SNAI3: variants seen among roughly 807,000 people sequenced by gnomAD.
The protein encoded by SNAI3 is zinc finger protein SNAI3.
SNAI3 carries 21 observed loss-of-function variants against 16.4 expected under a neutral mutation model. The ratio of observed to expected loss-of-function variants is 1.28; its 90% confidence interval spans 0.91 to 1.85. The LOEUF (loss-of-function observed/expected upper bound fraction) is 1.85, where lower values mean the gene tolerates loss of function less well. Ranked by LOEUF, SNAI3 falls within the 40% of genes most tolerant of loss-of-function variation. The pLI is 0.00. For synonymous variants in SNAI3, 202 were observed against 166.6 expected (o/e 1.21, Z -1.64); for missense variants, 457 against 372.8 (o/e 1.23, Z -1.86).
At chr16:88,682,397 G>C (rs969522671) in intron 1 of SNAI3, among the ~76,000 whole-genome samples, 1 of 152,240 alleles carries the variant, frequency 6.6e-6, no homozygotes, top group African/African-American at 2.4e-5. Flanking sequence ...TCCCCAGGAC[G>C]GTGTTTCCTC....
In SNAI3 at chr16:88,681,057, G is replaced by A; in HGVS notation, c.697+37C>T. On this transcript the variant is annotated intron_variant, in intron 2 of 2. Transcript: ENST00000332281. This position sits in a 1 kb window ranked among gnomAD's most constrained non-coding sequence, Gnocchi z 5.4. ...TCCCGCAGCCCACCCTCTTCCCCCA[G>A]CCCAGACCGTCCTTGCAGACCTTCA... 6.3e-7 allele frequency: 1 copy of A among 1,584,918 alleles called. No homozygotes were observed. Among genetic ancestry groups the A allele is most frequent in the Non-Finnish European group, 8.6e-7 (1 of 1,158,846 alleles).
chr16:88,683,597 GC>G (rs1031479774), intron 1 of SNAI3, among the ~76,000 whole-genome samples: 1 of 104,350 alleles, frequency 9.6e-6, no homozygotes, highest in Non-Finnish European at 1.8e-5. Context: ...CACTCTTGTC[GC>G]CCAGGCTGGA....
rs139914312 is a variant in SNAI3, at chr16:88,679,132, A to C, written c.698-503T>G. ...CGTTTGTTCATTCCTGTAGCCCCATAGAGTCCTGAGAGACCTCAGCCTGCA... is the reference window on the plus strand; with the variant it reads ...CGTTTGTTCATTCCTGTAGCCCCATCGAGTCCTGAGAGACCTCAGCCTGCA... On this transcript the variant is annotated intron_variant, in intron 2 of 2. Coordinates refer to ENST00000332281, the MANE Select transcript of SNAI3 (RefSeq NM_178310.4). The C allele has an allele frequency of 6.6e-5, 65 of 980,168 alleles. 2 individuals carry two copies. In the Middle Eastern group the frequency reaches 3.1e-3, roughly 47 times the overall value. 60.7% of individuals were successfully genotyped at this position (980,168 alleles called of 1,614,324 possible). A position where few individuals can be genotyped will look rare whatever the true frequency, so the allele number is the denominator to read the frequency against.
At position 88,678,598 on chromosome 16, in the gene SNAI3, G is replaced by T. The variant is rs775190054; in HGVS notation, c.729C>A (p.Ser243Arg). 4.6e-6 allele frequency: 5 copies of T among 1,089,528 alleles called. No individual in the cohort carries two copies. Among genetic ancestry groups the T allele is most frequent in the Non-Finnish European group, 7.1e-6 (5 of 703,928 alleles). The allele number at this position is 1,089,528 out of a possible 1,614,324, so 67.5% of individuals were successfully genotyped here. A position where few individuals can be genotyped will look rare whatever the true frequency, so the allele number is the denominator to read the frequency against. ...GEKPYACSHC[S>R]RAFADRSNLR... ...GGTTGGAGCGGTCGGCAAAGGCCCT[G>T]CTGCAGTGCGAGCAGGCATAGGGCT... The change falls in exon 3 of 3, where the codon AGC (serine) becomes AGA (arginine). Residue 243 changes from serine to arginine, a missense_variant. Physicochemically the swap from Ser to Arg is moderately radical, Grantham distance 110. Transcript: ENST00000332281.
chr16:88,686,178 C>CCTGCAG (rs1394157956), intron 1 of SNAI3, 153 bp downstream of exon 1: 7 of 1,022,072 alleles, frequency 6.8e-6, no homozygotes, highest in Non-Finnish European at 8.2e-6. Flanking sequence ...CACCTCCCTC[C>CCTGCAG]CTGCAGCCGC....
intron 1 of SNAI3, among the ~76,000 whole-genome samples, chr16:88,684,052 C>T (rs1909273210): frequency 6.6e-6 from 1 of 152,186 alleles, no homozygotes; most frequent in Non-Finnish European, 1.5e-5. Flanking sequence ...AAAGGAACGC[C>T]TCCCATCTGC....
At chr16:88,686,122 T>A (rs1909350196) in intron 1 of SNAI3, 1 of 582,836 alleles carries the variant, frequency 1.7e-6, no homozygotes, top group African/African-American at 1.9e-5. Context: ...CCGCCCGCCC[T>A]GCCGGAGGCG....
In SNAI3 at chr16:88,682,762, ATTTTTT is replaced by A. The variant is rs71158747; in HGVS notation, c.77-1054_77-1049del. Reference sequence around the variant, plus strand: ...AATACAATTTTAATATGGGCAAGGGATTTTTTTTTTTTTTTTTTTTTTTTTTTTTTA... The same window carrying A: ...AATACAATTTTAATATGGGCAAGGGATTTTTTTTTTTTTTTTTTTTTTTTA... On this transcript the variant is annotated intron_variant, in intron 1 of 2. Transcript: ENST00000332281. Among the ~76,000 whole-genome samples, 153 of 60,694 alleles carry A rather than the reference ATTTTTT, an allele frequency of 2.5e-3. 1 individual carries two copies. The highest frequency in any genetic ancestry group is 0.021 in the Middle Eastern group (1 of 48). 39.8% of individuals were successfully genotyped at this position (60,694 alleles called of 152,430 possible). A position where few individuals can be genotyped will look rare whatever the true frequency, so the allele number is the denominator to read the frequency against.
In SNAI3 at chr16:88,678,171, T is replaced by G. The variant is rs1239708586; in HGVS notation, c.*277A>C. Reference sequence around the variant, plus strand: ...GGGTAGCCCCGGAGACCTGGCCGTGTCGAAATGGAACCATGGCTCTTGTTC... The same window carrying G: ...GGGTAGCCCCGGAGACCTGGCCGTGGCGAAATGGAACCATGGCTCTTGTTC... On this transcript the variant is annotated 3_prime_UTR_variant, in exon 3 of 3. Coordinates refer to ENST00000332281, the MANE Select transcript of SNAI3 (RefSeq NM_178310.4). The G allele has an allele frequency of 5.3e-6, 2 of 380,766 alleles. No homozygotes were observed. Among genetic ancestry groups the G allele is most frequent in the East Asian group, 8.8e-5 (2 of 22,686 alleles). 23.6% of individuals were successfully genotyped at this position (380,766 alleles called of 1,614,324 possible).
rs1909178231 is a variant in SNAI3, at chr16:88,681,669, A to G, written c.122T>C (p.Leu41Pro). 1.0e-5 allele frequency: 15 copies of G among 1,471,924 alleles called. No individual in the cohort carries two copies. Among genetic ancestry groups the G allele is most frequent in the Non-Finnish European group, 1.4e-5 (15 of 1,108,550 alleles). 91.2% of individuals were successfully genotyped at this position (1,471,924 alleles called of 1,614,324 possible). Residue 41 changes from leucine to proline, a missense_variant, in exon 2 of 3, where the codon CTC becomes CCC. Physicochemically the swap from Leu to Pro is moderately conservative, Grantham distance 98 (BLOSUM62 -3). Transcript: ENST00000332281. This position sits in a 1 kb window ranked among gnomAD's most constrained non-coding sequence, Gnocchi z 5.4. ...AGGGGCCTCCTTGTCTCGGGGGAGG[A>G]GGGGCACCACCAGCCCCCCACAGGC... ...CSACGGLVVPLLPRDKEAPSV... is the reference protein window; with the variant it reads ...CSACGGLVVPPLPRDKEAPSV...
intron 1 of SNAI3, among the ~76,000 whole-genome samples, chr16:88,683,651 A>G (rs182826204): frequency 5.0e-4 from 66 of 131,814 alleles, no homozygotes; most frequent in South Asian, 1.3e-3. Flanking sequence ...TCCGCCTCCC[A>G]GGTTCAAACA....
chr16:88,679,097 G>T (rs955784618), intron 2 of SNAI3: 1 of 985,256 alleles, frequency 1.0e-6, no homozygotes, highest in African/African-American at 1.7e-5. Flanking sequence ...AGGGAAGTGT[G>T]ACTGGGAATC....
chr16:88,680,550 G>T (rs1909131010), intron 2 of SNAI3, among the ~76,000 whole-genome samples: 1 of 152,058 alleles, frequency 6.6e-6, no homozygotes. Context: ...CTCCTAAAAT[G>T]CTGGGATTAT....
In SNAI3 at chr16:88,678,544, G is replaced by A. The variant is rs557121025; in HGVS notation, c.783C>T (p.Asp261=). Reference sequence around the variant, plus strand: ...AGCGCCGGCACCGGTACTTCTTGGCGTCTGAGTGCGTTTGCAGATGGGCCC... The same window carrying A: ...AGCGCCGGCACCGGTACTTCTTGGCATCTGAGTGCGTTTGCAGATGGGCCC... ...NLRAHLQTHS[D]AKKYRCRRCT... The change falls in exon 3 of 3, where the codon GAC becomes GAT. Residue 261 remains aspartate, a synonymous_variant. Coordinates refer to ENST00000332281, the MANE Select transcript of SNAI3 (RefSeq NM_178310.4). The A allele has an allele frequency of 1.2e-5, 10 of 807,808 alleles. No homozygotes were observed. The highest frequency in any genetic ancestry group is 3.3e-5 in the African/African-American group (2 of 59,788). The allele number at this position is 807,808 out of a possible 1,614,324, so 50.0% of individuals were successfully genotyped here.
rs980435686 is a variant in SNAI3 at position 88,678,917 on chromosome 16, C to T, written c.698-288G>A. 3 of 985,420 alleles carry T rather than the reference C, an allele frequency of 3.0e-6. No individual in the cohort carries two copies. In the South Asian group the frequency reaches 1.4e-4, roughly 46 times the overall value. 61.0% of individuals were successfully genotyped at this position (985,420 alleles called of 1,614,324 possible). A position where few individuals can be genotyped will look rare whatever the true frequency, so the allele number is the denominator to read the frequency against. ...GAGAAGCACTGGGGGCCTCTGGCAG[C>T]TGTTTCTGGCCACTCACAGGCAAGT... On this transcript the variant is annotated intron_variant, in intron 2 of 2. Coordinates refer to ENST00000332281, the MANE Select transcript of SNAI3 (RefSeq NM_178310.4).
chr16:88,678,353 C>T lies in SNAI3; in HGVS notation c.*95G>A. On this transcript the variant is annotated 3_prime_UTR_variant, in exon 3 of 3. Transcript: ENST00000332281. Reference sequence around the variant, plus strand: ...GACGCACCAAGTGTGAGGCCAGGCCCCGCCCTCCCAGACTCCTGGCTCCTC... The same window carrying T: ...GACGCACCAAGTGTGAGGCCAGGCCTCGCCCTCCCAGACTCCTGGCTCCTC... 1 of 618,590 alleles carries T rather than the reference C, an allele frequency of 1.6e-6. No homozygotes were observed. The highest frequency in any genetic ancestry group is 2.9e-6 in the Non-Finnish European group (1 of 343,676). 38.3% of individuals were successfully genotyped at this position (618,590 alleles called of 1,614,324 possible).
In SNAI3 at chr16:88,678,349, G is replaced by C; in HGVS notation, c.*99C>G. 1 of 615,420 alleles carries C rather than the reference G, an allele frequency of 1.6e-6. No individual in the cohort carries two copies. The highest frequency in any genetic ancestry group is 1.8e-5 in the African/African-American group (1 of 54,712). The allele number at this position is 615,420 out of a possible 1,614,324, so 38.1% of individuals were successfully genotyped here. A position where few individuals can be genotyped will look rare whatever the true frequency, so the allele number is the denominator to read the frequency against. The stretch of plus-strand genomic sequence containing the variant: ...GGAGGACGCACCAAGTGTGAGGCCA[G>C]GCCCCGCCCTCCCAGACTCCTGGCT... On this transcript the variant is annotated 3_prime_UTR_variant, in exon 3 of 3. Coordinates refer to ENST00000332281, the MANE Select transcript of SNAI3 (RefSeq NM_178310.4).
At chr16:88,682,020 C>G (rs113469170) in intron 1 of SNAI3, among the ~76,000 whole-genome samples, 184 of 152,306 alleles carry the variant, frequency 1.2e-3, no homozygotes, top group African/African-American at 4.4e-3. Context: ...GAACATGAAA[C>G]AGGCCTCGTG....
At position 88,686,371 on chromosome 16, in the gene SNAI3, G is replaced by A; in HGVS notation, c.36C>T (p.Ser12=). The A allele has an allele frequency of 1.2e-6, 2 of 1,612,276 alleles. No individual in the cohort carries two copies. Among genetic ancestry groups the A allele is most frequent in the South Asian group, 2.2e-5 (2 of 91,074 alleles). ...PRSFLVKTHS[S]HRVPNYRRLE... ...GCCGCCGGTAGTTGGGGACCCTGTG[G>A]CTGGAGTGCGTTTTCACCAGGAAGG... Residue 12 remains serine (S), a synonymous_variant, in exon 1 of 3, where the codon AGC becomes AGT. Coordinates refer to ENST00000332281, the MANE Select transcript of SNAI3 (RefSeq NM_178310.4).
Sources: gnomAD v4.1 joint callset for allele counts (sites outside exome capture counted in the v4.1 genomes callset) on GRCh38, gnomAD v4.1.1 for gene constraint, Gnocchi (gnomAD v3.1) non-coding constraint, MANE v1.5 for transcripts, NCBI Gene and HGNC (gene_info 2026-07-23, HGNC 2026-07-21) for gene names.